Variants in BLOC1S6 observed in about 807,000 individuals in gnomAD.
BLOC1S6 encodes biogenesis of lysosome-related organelles complex 1 subunit 6.
A neutral mutation model predicts 24.7 loss-of-function variants in BLOC1S6; 24 were observed. The observed-to-expected ratio is 0.97, with a 90% confidence interval of 0.70 to 1.37. The LOEUF is 1.37. BLOC1S6 is among the 40% of genes most tolerant of loss of function. BLOC1S6 has a pLI of 0.00. For missense variants in BLOC1S6, 175 were observed against 196.2 expected, an observed-to-expected ratio of 0.89 and a Z score of 0.64; for synonymous variants, 76 against 72.6, an observed-to-expected ratio of 1.05 and a Z score of -0.23.
rs1198187024 is a variant in BLOC1S6 at position 45,608,496 on chromosome 15, C to T, written c.*1982C>T. On this transcript the variant is annotated 3_prime_UTR_variant, in exon 5 of 5. Transcript: ENST00000220531. ...TGGTTGTTTAAAATGCTGGTTCCTG[C>T]ACACAATTCTCTATCTACTGAAGCA... 2 of 152,192 alleles carry T rather than the reference C, an allele frequency of 1.3e-5. No homozygotes were observed. The highest frequency in any genetic ancestry group is 4.8e-5 in the African/African-American group (2 of 41,444). 9.4% of individuals were successfully genotyped at this position (152,192 alleles called of 1,614,324 possible). A position where few individuals can be genotyped will look rare whatever the true frequency, so the allele number is the denominator to read the frequency against.
chr15:45,594,552 A>G (rs1321862223), intron 2 of BLOC1S6, among the ~76,000 whole-genome samples: 1 of 152,156 alleles, frequency 6.6e-6, no homozygotes, highest in Non-Finnish European at 1.5e-5. Context: ...AATGAAGTTG[A>G]GTCATCTTTT....
At chr15:45,603,921 C>T (rs1017852918) in intron 3 of BLOC1S6, among the ~76,000 whole-genome samples, 1 of 152,102 alleles carries the variant, frequency 6.6e-6, no homozygotes, top group Non-Finnish European at 1.5e-5. Flanking sequence ...TCAGTTATAT[C>T]TTTCAATATA....
intron 1 of BLOC1S6, among the ~76,000 whole-genome samples, chr15:45,589,949 G>A (rs1349165873): frequency 2.7e-4 from 41 of 152,136 alleles, no homozygotes; most frequent in Admixed American, 2.7e-3. Flanking sequence ...TGTATATATT[G>A]TTAAGCGAAG....
intron 4 of BLOC1S6, 121 bp downstream of exon 4, chr15:45,605,635 G>A (rs1894427095): frequency 1.3e-6 from 1 of 781,944 alleles, no homozygotes; most frequent in Admixed American, 2.6e-5. Flanking sequence ...TGCCGCCCAG[G>A]CTGGAGTGCA....
At chr15:45,590,408 C>CTTTTTTT (rs34886686) in intron 1 of BLOC1S6, among the ~76,000 whole-genome samples, 1 of 136,156 alleles carries the variant, frequency 7.3e-6, no homozygotes, top group Non-Finnish European at 1.6e-5. Context: ...TTTCCTCAAT[C>CTTTTTTT]TTTTTTTTTT....
Position 45,606,542 on chromosome 15 carries a change from C to T in BLOC1S6, c.*28C>T. 3 of 1,614,106 alleles carry T rather than the reference C, an allele frequency of 1.9e-6. No homozygotes were observed. Among genetic ancestry groups the T allele is most frequent in the Non-Finnish European group, 8.5e-7 (1 of 1,180,018 alleles). On this transcript the variant is annotated 3_prime_UTR_variant, in exon 5 of 5. Coordinates refer to ENST00000220531, the MANE Select transcript of BLOC1S6 (RefSeq NM_012388.4). ...AGTTGTGTTTGTGTGTTTTCTTCTC[C>T]TGTCCCATATTTGGGTTATGATGAC...
chr15:45,602,173 G>C (rs111301710), intron 2 of BLOC1S6, among the ~76,000 whole-genome samples: 11,434 of 152,116 alleles, frequency 0.075, 1,518 homozygotes, highest in African/African-American at 0.26. Context: ...TGGGATTATA[G>C]GCATGAACCA....
chr15:45,589,663 C>G (rs1166123046), intron 1 of BLOC1S6, among the ~76,000 whole-genome samples: 2 of 152,218 alleles, frequency 1.3e-5, no homozygotes, highest in African/African-American at 4.8e-5. Context: ...GTTGTAATCT[C>G]AGAACCTGGT....
At chr15:45,604,788 C>A (rs1894392123) in intron 3 of BLOC1S6, among the ~76,000 whole-genome samples, 1 of 152,314 alleles carries the variant, frequency 6.6e-6, no homozygotes, top group Non-Finnish European at 1.5e-5. Context: ...TCTCTGACAT[C>A]TCTAGGCTTG....
intron 1 of BLOC1S6, among the ~76,000 whole-genome samples, chr15:45,591,259 C>A (rs765631748): frequency 3.9e-5 from 6 of 152,114 alleles, no homozygotes; most frequent in Admixed American, 6.5e-5. Context: ...CGAACTATAT[C>A]AAAATCGATG....
intron 3 of BLOC1S6, among the ~76,000 whole-genome samples, chr15:45,605,146 TTA>T (rs1315813847): frequency 6.6e-6 from 1 of 152,246 alleles, no homozygotes; most frequent in Non-Finnish European, 1.5e-5. Flanking sequence ...AATTTTAGAA[TTA>T]TATGTTTTTA....
At chr15:45,592,378 A>G (rs1487035099) in intron 2 of BLOC1S6, 102 bp downstream of exon 2, 1 of 1,366,246 alleles carries the variant, frequency 7.3e-7, no homozygotes. Flanking sequence ...TTTAACATGC[A>G]ATTATAATTG....
At chr15:45,605,924 C>T (rs1894438813) in intron 4 of BLOC1S6, among the ~76,000 whole-genome samples, 1 of 152,044 alleles carries the variant, frequency 6.6e-6, no homozygotes, top group African/African-American at 2.4e-5. Context: ...CCCTCATATA[C>T]AATAGCATAA....
At chr15:45,591,210 C>G (rs1893872051) in intron 1 of BLOC1S6, among the ~76,000 whole-genome samples, 1 of 152,178 alleles carries the variant, frequency 6.6e-6, no homozygotes, top group African/African-American at 2.4e-5. Flanking sequence ...TCCTCCCTAA[C>G]AAATAACACA....
chr15:45,603,048 A>G (rs1894323818), intron 2 of BLOC1S6, 52 bp from the exon 3 acceptor site: 5 of 1,211,802 alleles, frequency 4.1e-6, no homozygotes, highest in African/African-American at 1.5e-5. Flanking sequence ...CTTTTAATGG[A>G]CCGGCACTTT....
rs541673184 is a variant in BLOC1S6 at position 45,607,657 on chromosome 15, C to A, written c.*1143C>A. The A allele has an allele frequency of 2.6e-5, 4 of 152,408 alleles. No homozygotes were observed. In the East Asian group the frequency reaches 7.7e-4, roughly 29 times the overall value. 9.4% of individuals were successfully genotyped at this position (152,408 alleles called of 1,614,324 possible). On this transcript the variant is annotated 3_prime_UTR_variant, in exon 5 of 5. Transcript: ENST00000220531. ...GTGTGGGGGCGTGCGCCTGTAGTCCCAGCTACTTGGGAGGCTGAGGCAGGA... is the reference window on the plus strand; with the variant it reads ...GTGTGGGGGCGTGCGCCTGTAGTCCAAGCTACTTGGGAGGCTGAGGCAGGA...
rs1894484098 is a variant in BLOC1S6 at position 45,606,827 on chromosome 15, T to C, written c.*313T>C. The C allele has an allele frequency of 3.3e-6, 1 of 304,510 alleles. No individual in the cohort carries two copies. The highest frequency in any genetic ancestry group is 4.7e-5 in the Admixed American group (1 of 21,384). 18.9% of individuals were successfully genotyped at this position (304,510 alleles called of 1,614,324 possible). ...CTAAGTGGTTAAAAATTAGTATGAA[T>C]TTTTTAGCTTCTTAATGAATATGGA... On this transcript the variant is annotated 3_prime_UTR_variant, in exon 5 of 5. Coordinates refer to ENST00000220531, the MANE Select transcript of BLOC1S6 (RefSeq NM_012388.4).
chr15:45,587,313 G>GT, upstream of BLOC1S6: 3 of 902,924 alleles, frequency 3.3e-6, no homozygotes, highest in Middle Eastern at 6.7e-4. Context: ...GAAGCCCGCA[G>GT]TTTTTTCGCC....
chr15:45,595,803 G>T (rs184459980), intron 2 of BLOC1S6, among the ~76,000 whole-genome samples: 87 of 152,154 alleles, frequency 5.7e-4, no homozygotes, highest in African/African-American at 2.1e-3. Flanking sequence ...TTTATTTTGA[G>T]TTAATTTTGT....
Sources: gnomAD v4.1 joint callset for allele counts (sites outside exome capture counted in the v4.1 genomes callset) on GRCh38, gnomAD v4.1.1 for gene constraint, MANE v1.5 for transcripts, NCBI Gene and HGNC (gene_info 2026-07-23, HGNC 2026-07-21) for gene names.